TENM1: variants seen among roughly 807,000 people sequenced by gnomAD.
TENM1 encodes the protein teneurin-1.
Under a neutral mutation model 174.8 loss-of-function variants are expected in TENM1, and 35 were observed. The ratio of observed to expected loss-of-function variants is 0.20; its 90% CI spans 0.15 to 0.27. The LOEUF (loss-of-function observed/expected upper bound fraction) is 0.27. Ranked by LOEUF, TENM1 falls within the 10% of genes least tolerant of loss-of-function variation. TENM1 has a pLI of 1.00. For synonymous variants in TENM1, 781 were observed against 798.7 expected (o/e 0.98, Z 0.37); for missense variants, 1,633 against 2,130.1 (o/e 0.77, Z 4.59).
At chrX:124,813,393 T>G (rs1179454478) in intron 3 of TENM1, among the ~76,000 whole-genome samples, 1 of 111,696 alleles carries the variant, frequency 9.0e-6, no homozygotes, top group Admixed American at 9.5e-5. Flanking sequence ...TTGACAATAT[T>G]TGTCCAATAT....
At chrX:124,978,930 T>C in the TENM1 span, among the ~76,000 whole-genome samples, 1 of 112,220 alleles carries the variant, frequency 8.9e-6, no homozygotes, top group Non-Finnish European at 1.9e-5. Flanking sequence ...GTCAGAAACA[T>C]GCTTTTCCCA....
At chrX:125,056,149 G>T in the TENM1 span, among the ~76,000 whole-genome samples, 1 of 110,142 alleles carries the variant, frequency 9.1e-6, no homozygotes, top group African/African-American at 3.4e-5. Flanking sequence ...CCAAAACTTG[G>T]CAAGATTATT....
At chrX:124,579,256 A>T (rs1024064876) in intron 11 of TENM1, among the ~76,000 whole-genome samples, 1 of 111,866 alleles carries the variant, frequency 8.9e-6, no homozygotes, top group Admixed American at 9.5e-5. Context: ...CTAGAAATCT[A>T]AACTCTCTCT....
chrX:124,869,224 C>T (rs746414111), intron 3 of TENM1, among the ~76,000 whole-genome samples: 7 of 109,575 alleles, frequency 6.4e-5, no homozygotes, highest in Non-Finnish European at 1.1e-4. Context: ...CAGAGCGAGA[C>T]CCTGTTTCAA....
chrX:125,169,817 A>G, the TENM1 span, among the ~76,000 whole-genome samples: 24 of 108,542 alleles, frequency 2.2e-4, no homozygotes, highest in African/African-American at 7.4e-4. Flanking sequence ...GGCTTGGTCT[A>G]TTCATTACTA....
chrX:124,591,120 G>A (rs2049728312), intron 11 of TENM1, among the ~76,000 whole-genome samples: 1 of 111,918 alleles, frequency 8.9e-6, no homozygotes, highest in Non-Finnish European at 1.9e-5. Flanking sequence ...GCTTCTGGGT[G>A]TCATTATGTG....
intron 20 of TENM1, among the ~76,000 whole-genome samples, chrX:124,488,922 C>T (rs2147954847): frequency 8.9e-6 from 1 of 112,588 alleles, no homozygotes; most frequent in East Asian, 2.8e-4. Flanking sequence ...TCTGATTCTG[C>T]CAATAATGTC....
intron 11 of TENM1, among the ~76,000 whole-genome samples, chrX:124,604,697 T>C (rs2050109673): frequency 1.8e-5 from 2 of 110,414 alleles, no homozygotes; most frequent in Admixed American, 9.7e-5. Flanking sequence ...GGAAATATAG[T>C]GTAACTATTT....
At chrX:124,950,740 A>G (rs746119533) in intron 1 of TENM1, among the ~76,000 whole-genome samples, 1 of 111,804 alleles carries the variant, frequency 8.9e-6, no homozygotes, top group South Asian at 3.8e-4. Flanking sequence ...CCTGAAAGGT[A>G]TGTTCTCTCA....
chrX:124,946,139 G>A (rs2058398922), intron 1 of TENM1, among the ~76,000 whole-genome samples: 1 of 111,849 alleles, frequency 8.9e-6, no homozygotes, highest in Non-Finnish European at 1.9e-5. Flanking sequence ...GCAGGAATGA[G>A]AGCTATCTGA....
intron 3 of TENM1, among the ~76,000 whole-genome samples, chrX:124,791,225 T>C (rs777157425): frequency 8.9e-6 from 1 of 112,245 alleles, no homozygotes; most frequent in East Asian, 2.8e-4. Context: ...GCATTCTATT[T>C]ATAACGATTT....
chrX:124,528,510 T>C (rs1044639604), intron 16 of TENM1, among the ~76,000 whole-genome samples: 1 of 110,865 alleles, frequency 9.0e-6, no homozygotes, highest in Non-Finnish European at 1.9e-5. Context: ...TGGCATATGG[T>C]TGAAGATGTT....
the TENM1 span, among the ~76,000 whole-genome samples, chrX:125,162,461 G>A: frequency 9.0e-6 from 1 of 111,229 alleles, no homozygotes; most frequent in Non-Finnish European, 1.9e-5. Flanking sequence ...CCAAATCCAG[G>A]TGCTTTTTTT....
chrX:124,520,601 C>T (rs778994121), exon 18 of TENM1: 10 of 1,210,837 alleles, frequency 8.3e-6, no homozygotes, highest in South Asian at 3.5e-5. Context: ...TTAATTGCGG[C>T]GGGAAACCAC....
the TENM1 span, among the ~76,000 whole-genome samples, chrX:125,010,013 G>A: frequency 9.0e-6 from 1 of 111,504 alleles, no homozygotes; most frequent in Non-Finnish European, 1.9e-5. Flanking sequence ...ATTCAACACA[G>A]TAATGGAAGT....
chrX:124,528,281 A>G (rs934878321), intron 16 of TENM1, among the ~76,000 whole-genome samples: 1 of 111,154 alleles, frequency 9.0e-6, no homozygotes, highest in Non-Finnish European at 1.9e-5. Flanking sequence ...AACAACAAAG[A>G]TTACCCTCTT....
At chrX:124,664,923 A>G (rs997254197) in intron 6 of TENM1, among the ~76,000 whole-genome samples, 1 of 111,659 alleles carries the variant, frequency 9.0e-6, no homozygotes, top group Non-Finnish European at 1.9e-5. Flanking sequence ...AGCCCAAGGA[A>G]GGGTGCTAAC....
At chrX:124,471,030 T>A (rs2061293482) in intron 22 of TENM1, among the ~76,000 whole-genome samples, 1 of 102,357 alleles carries the variant, frequency 9.8e-6, no homozygotes, top group Non-Finnish European at 2.0e-5. Flanking sequence ...AAAAGTCACT[T>A]ATAATTCCTT....
At chrX:124,966,748 T>G (rs2058733080), upstream of TENM1, among the ~76,000 whole-genome samples, 1 of 112,056 alleles carries the variant, frequency 8.9e-6, no homozygotes. Flanking sequence ...CACTATATAT[T>G]TTTTATTTAT....
Sources: allele counts gnomAD v4.1 joint callset (sites outside exome capture counted in the v4.1 genomes callset), GRCh38; gene constraint gnomAD v4.1.1; transcripts MANE v1.5; gene names NCBI Gene and HGNC (gene_info 2026-07-23, HGNC 2026-07-21).